Variants in DLL4 observed in about 807,000 individuals in gnomAD.
The protein encoded by DLL4 is delta like canonical Notch ligand 4, also known as delta-like protein 4.
DLL4 carries 7 observed loss-of-function variants against 73.6 expected under a neutral mutation model. The observed-to-expected ratio is 0.10, with a 90% CI of 0.05 to 0.18. The LOEUF (loss-of-function observed/expected upper bound fraction) is 0.18, where lower values mean the gene tolerates loss of function less well. Ranked by LOEUF, DLL4 falls within the 10% of genes least tolerant of loss-of-function variation. The probability of loss-of-function intolerance (pLI) is 1.00; values close to 1 mark genes in which losing one functional copy is unlikely to be tolerated. For synonymous variants in DLL4, 345 were observed against 374.3 expected (o/e 0.92, Z 0.90); for missense variants, 614 against 929.9 (o/e 0.66, Z 4.42).
At position 40,933,279 on chromosome 15, in the gene DLL4, T is replaced by TGTGC. The variant is rs541329786; in HGVS notation, c.850+835_850+836insCGTG. 1.8e-4 allele frequency among the ~76,000 whole-genome samples: 27 copies of TGTGC among 151,996 alleles called. No homozygotes were observed. In the South Asian group the frequency reaches 5.2e-3, roughly 29 times the overall value. On this transcript the variant is annotated intron_variant, in intron 6 of 10. Coordinates refer to ENST00000249749, the MANE Select transcript of DLL4 (RefSeq NM_019074.4). ...ATTCAGTCCCTGTGTTGTGTGTGTG[T>TGTGC]GTGTGTGTGTGTGTGTGTGTCTGTC...
chr15:40,930,744 T>A lies in DLL4; in HGVS notation c.394+62T>A. On this transcript the variant is annotated intron_variant, in intron 3 of 10. Transcript: ENST00000249749. This position sits in a 1 kb window ranked among gnomAD's most constrained non-coding sequence, Gnocchi z 5.7. ...CGGCGCAGCGCCGAAAGAGTTAATC[T>A]GTTCTAGGCGGGGGAAGTGCGGGCT... 6.6e-7 allele frequency: 1 copy of A among 1,521,202 alleles called. No homozygotes were observed. The highest frequency in any genetic ancestry group is 9.1e-7 in the Non-Finnish European group (1 of 1,102,220). The allele number at this position is 1,521,202 out of a possible 1,614,324, so 94.2% of individuals were successfully genotyped here.
In DLL4 at chr15:40,936,290, A is replaced by T. The variant is rs776252375; in HGVS notation, c.1303A>T (p.Thr435Ser). 5.6e-6 allele frequency: 9 copies of T among 1,609,448 alleles called. No homozygotes were observed. The East Asian group carries it at 1.1e-4, about 20-fold the overall frequency. ...CCGCTGCCGTCCTGGATTCACGGGC[A>T]CCTACTGTGAACTCCACGTCAGCGA... The part of the protein sequence containing the change: ...MCRCRPGFTG[T>S]YCELHVSDCA... The change falls in exon 9 of 11, where the codon ACC becomes TCC. Residue 435 changes from threonine to serine, a missense_variant. Around this residue, in one of 3 missense-constraint regions of DLL4, gnomAD observed 386 missense variants for 541.3 expected, o/e 0.71. Transcript: ENST00000249749.
intron 3 of DLL4, chr15:40,931,137 C>T (rs1328464453): frequency 5.2e-6 from 2 of 386,796 alleles, no homozygotes; most frequent in African/African-American, 2.0e-5. Context: ...CAAAGGACCC[C>T]CTGCTCCCAG....
rs144979362 is a variant in DLL4 at position 40,931,268 on chromosome 15, G to T, written c.395-235G>T. The T allele has an allele frequency of 2.3e-4, 131 of 578,936 alleles. 1 individual carries two copies. The East Asian group carries it at 3.7e-3, about 16-fold the overall frequency. The allele number at this position is 578,936 out of a possible 1,614,324, so 35.9% of individuals were successfully genotyped here. On this transcript the variant is annotated intron_variant, in intron 3 of 10. Coordinates refer to ENST00000249749, the MANE Select transcript of DLL4 (RefSeq NM_019074.4). ...TGGGATATCTTAACATCCTTCTATT[G>T]TCCCCTTTTTGAATACTATCAGGCC...
intron 6 of DLL4, among the ~76,000 whole-genome samples, chr15:40,933,661 C>T (rs965601952): frequency 1.3e-5 from 2 of 152,044 alleles, no homozygotes; most frequent in South Asian, 2.1e-4. Context: ...ACTTCCTCCC[C>T]GACATGTGGC....
chr15:40,932,431 C>T lies in DLL4; in HGVS notation c.834C>T (p.Gly278=). 6.2e-7 allele frequency: 1 copy of T among 1,613,898 alleles called. No individual in the cohort carries two copies. Among genetic ancestry groups the T allele is most frequent in the Non-Finnish European group, 8.5e-7 (1 of 1,179,882 alleles). ...GTACTTGTGATGAGGGCTGGGGAGGCCTGTTTTGTGACCAAGGTGAGTCAG... is the reference window on the plus strand; with the variant it reads ...GTACTTGTGATGAGGGCTGGGGAGGTCTGTTTTGTGACCAAGGTGAGTCAG... ...WQCTCDEGWG[G]LFCDQDLNYC... is the part of the protein sequence containing the mutation. The change falls in exon 6 of 11, where the codon GGC becomes GGT. Residue 278 remains glycine (G), a synonymous_variant. Coordinates refer to ENST00000249749, the MANE Select transcript of DLL4 (RefSeq NM_019074.4).
chr15:40,937,001 C>G, intron 9 of DLL4, 71 bp downstream of exon 9: 2 of 1,333,810 alleles, frequency 1.5e-6, no homozygotes, highest in Non-Finnish European at 2.0e-6. Flanking sequence ...TCCTCTTAGG[C>G]CAGGCGGGAA....
Position 40,936,629 on chromosome 15 carries a change from G to A in DLL4, c.1642G>A (p.Val548Met). Residue 548 changes from valine (V) to methionine (M), a missense_variant, in exon 9 of 11, where the codon GTG becomes ATG. Val to Met is a conservative substitution (Grantham distance 21, BLOSUM62 1). Coordinates refer to ENST00000249749, the MANE Select transcript of DLL4 (RefSeq NM_019074.4). Reference sequence around the variant, plus strand: ...AGTGCTGCTGGTACTGCTGGGCATGGTGGCAGTGGCTGTGCGGCAGCTGCG... The same window carrying A: ...AGTGCTGCTGGTACTGCTGGGCATGATGGCAGTGGCTGTGCGGCAGCTGCG... ...LAVLLVLLGM[V>M]AVAVRQLRLR... The A allele has an allele frequency of 6.2e-7, 1 of 1,611,188 alleles. No individual in the cohort carries two copies. Among genetic ancestry groups the A allele is most frequent in the East Asian group, 2.2e-5 (1 of 44,848 alleles).
chr15:40,930,750 A>G lies in DLL4; in HGVS notation c.394+68A>G. ...AGCGCCGAAAGAGTTAATCTGTTCTAGGCGGGGGAAGTGCGGGCTTGGGGG... is the reference window on the plus strand; with the variant it reads ...AGCGCCGAAAGAGTTAATCTGTTCTGGGCGGGGGAAGTGCGGGCTTGGGGG... On this transcript the variant is annotated intron_variant, in intron 3 of 10. Coordinates refer to ENST00000249749, the MANE Select transcript of DLL4 (RefSeq NM_019074.4). This position sits in a 1 kb window ranked among gnomAD's most constrained non-coding sequence, Gnocchi z 5.7. The G allele has an allele frequency of 2.1e-6, 3 of 1,397,630 alleles. No individual in the cohort carries two copies. The highest frequency in any genetic ancestry group is 3.0e-6 in the Non-Finnish European group (3 of 993,642). 86.6% of individuals were successfully genotyped at this position (1,397,630 alleles called of 1,614,324 possible). A position where few individuals can be genotyped will look rare whatever the true frequency, so the allele number is the denominator to read the frequency against.
At position 40,936,568 on chromosome 15, in the gene DLL4, C is replaced by T. The variant is rs1299606827; in HGVS notation, c.1581C>T (p.Phe527=). Residue 527 remains phenylalanine, a synonymous_variant, in exon 9 of 11, where the codon TTC becomes TTT. Transcript: ENST00000249749. ...CEFPVGLPPS[F]PWVAVSLGVG... ...TCCCCGTGGGCTTGCCGCCCAGCTT[C>T]CCCTGGGTGGCCGTCTCGCTGGGTG... 1 of 1,609,442 alleles carries T rather than the reference C, an allele frequency of 6.2e-7. No individual in the cohort carries two copies. Among genetic ancestry groups the T allele is most frequent in the Admixed American group, 1.7e-5 (1 of 59,460 alleles).
At chr15:40,935,144 G>C (rs1411645452) in intron 8 of DLL4, 27 bp downstream of exon 8, 22 of 1,596,728 alleles carry the variant, frequency 1.4e-5, no homozygotes, top group Non-Finnish European at 1.6e-5. Context: ...TGCTAACCTG[G>C]TGGACTGGCC....
Position 40,936,790 on chromosome 15 carries a change from C to T in DLL4, c.1803C>T (p.Asp601=). 6.2e-7 allele frequency: 1 copy of T among 1,613,818 alleles called. No homozygotes were observed. The highest frequency in any genetic ancestry group is 1.3e-5 in the African/African-American group (1 of 75,054). The part of the protein sequence containing the change: ...KKELEVDCGL[D]KSNCGKQQNH... ...AGCTGGAAGTGGACTGTGGCCTGGA[C>T]AAGTCCAACTGTGGCAAACAGCAAA... The change falls in exon 9 of 11, where the codon GAC becomes GAT. Residue 601 remains aspartate (D), a synonymous_variant. Transcript: ENST00000249749.
Position 40,935,267 on chromosome 15 carries a change from G to A in DLL4, c.1240+150G>A, listed in dbSNP as rs1024765599. 2.7e-5 allele frequency: 23 copies of A among 845,230 alleles called. 1 individual carries two copies. The highest frequency in any genetic ancestry group is 3.2e-4 in the Middle Eastern group (1 of 3,110). 52.4% of individuals were successfully genotyped at this position (845,230 alleles called of 1,614,324 possible). A position where few individuals can be genotyped will look rare whatever the true frequency, so the allele number is the denominator to read the frequency against. On this transcript the variant is annotated intron_variant, in intron 8 of 10. Coordinates refer to ENST00000249749, the MANE Select transcript of DLL4 (RefSeq NM_019074.4). The stretch of plus-strand genomic sequence containing the variant: ...GGCGAAGAGCTTGCTTGATCAGCTG[G>A]GGGGCTGTGGAAGCGGAGCTGGTTA...
Position 40,930,678 on chromosome 15 carries a change from G to T in DLL4, c.390G>T (p.Arg130=), listed in dbSNP as rs1230876075. The T allele has an allele frequency of 1.2e-6, 2 of 1,613,634 alleles. No homozygotes were observed. Among genetic ancestry groups the T allele is most frequent in the Non-Finnish European group, 1.7e-6 (2 of 1,179,856 alleles). Residue 130 remains arginine (R), a synonymous_variant, in exon 3 of 11, where the codon CGG becomes CGT. Coordinates refer to ENST00000249749, the MANE Select transcript of DLL4 (RefSeq NM_019074.4). This position sits in a 1 kb window ranked among gnomAD's most constrained non-coding sequence, Gnocchi z 5.7. The part of the protein sequence containing the change: ...EAWHAPGDDL[R]PEALPPDALI... ...GGCACGCGCCAGGAGACGACCTGCG[G>T]CCAGGTGAGTAGCTCGCTCCGCCAC...
rs1231707656 is a variant in DLL4, at chr15:40,930,212, C to G, written c.336+96C>G. The G allele has an allele frequency of 1.0e-5, 14 of 1,406,126 alleles. No individual in the cohort carries two copies. The South Asian group carries it at 1.3e-4, about 13-fold the overall frequency. The allele number at this position is 1,406,126 out of a possible 1,614,324, so 87.1% of individuals were successfully genotyped here. ...CTCCCCAGATTTCCTTGTACACACACCCCCACCCCCAAAAAGCCCAGGATG... is the reference window on the plus strand; with the variant it reads ...CTCCCCAGATTTCCTTGTACACACAGCCCCACCCCCAAAAAGCCCAGGATG... On this transcript the variant is annotated intron_variant, in intron 2 of 10. Coordinates refer to ENST00000249749, the MANE Select transcript of DLL4 (RefSeq NM_019074.4). This position sits in a 1 kb window ranked among gnomAD's most constrained non-coding sequence, Gnocchi z 5.7.
rs985276965 is a variant in DLL4, at chr15:40,929,598, G to A, written c.-71G>A. On this transcript the variant is annotated 5_prime_UTR_variant, in exon 1 of 11. Transcript: ENST00000249749. This position sits in a 1 kb window ranked among gnomAD's most constrained non-coding sequence, Gnocchi z 7.1. Reference sequence around the variant, plus strand: ...TCAGGGACCCCGCCGGCTGGCGGACGCGCGGGAAAGCGGCGTCGCGAACAG... The same window carrying A: ...TCAGGGACCCCGCCGGCTGGCGGACACGCGGGAAAGCGGCGTCGCGAACAG... The A allele has an allele frequency of 2.9e-6, 4 of 1,372,582 alleles. No homozygotes were observed. Among genetic ancestry groups the A allele is most frequent in the Non-Finnish European group, 3.8e-6 (4 of 1,042,802 alleles). The allele number at this position is 1,372,582 out of a possible 1,614,324, so 85.0% of individuals were successfully genotyped here.
rs929814147 is a variant in DLL4 at position 40,936,126 on chromosome 15, G to A, written c.1241-102G>A. Reference sequence around the variant, plus strand: ...TCTCTTTGTAGTGGGCTCTGCAGGTGGAGGTAGAAGGGCCCGAACGTGTTC... The same window carrying A: ...TCTCTTTGTAGTGGGCTCTGCAGGTAGAGGTAGAAGGGCCCGAACGTGTTC... On this transcript the variant is annotated intron_variant, in intron 8 of 10. Coordinates refer to ENST00000249749, the MANE Select transcript of DLL4 (RefSeq NM_019074.4). 21 of 967,820 alleles carry A rather than the reference G, an allele frequency of 2.2e-5. No individual in the cohort carries two copies. In the African/African-American group the frequency reaches 3.3e-4, roughly 15 times the overall value. 60.0% of individuals were successfully genotyped at this position (967,820 alleles called of 1,614,324 possible).
intron 8 of DLL4, 64 bp from the exon 9 acceptor site, chr15:40,936,164 T>A: frequency 7.1e-7 from 1 of 1,405,238 alleles, no homozygotes; most frequent in East Asian, 2.5e-5. Flanking sequence ...GGAATGGGGC[T>A]CCCACCCCCT....
chr15:40,937,895 A>G (rs544736292), intron 10 of DLL4, 134 bp from the exon 11 acceptor site: 1 of 1,023,214 alleles, frequency 9.8e-7, no homozygotes, highest in Admixed American at 2.6e-5. Flanking sequence ...TGGGCCGAAG[A>G]CTGGGGAGGA....
Sources: allele counts gnomAD v4.1 joint callset (sites outside exome capture counted in the v4.1 genomes callset), GRCh38; gene constraint gnomAD v4.1.1; regional missense constraint gnomAD v4.1.1; non-coding constraint Gnocchi (gnomAD v3.1); transcripts MANE v1.5; gene names NCBI Gene and HGNC (gene_info 2026-07-23, HGNC 2026-07-21).